Variants in MYSM1 observed in about 807,000 individuals in gnomAD.
MYSM1 encodes the protein Myb like, SWIRM and MPN domains 1, also known as deubiquitinase MYSM1.
In MYSM1, 51 loss-of-function variants were observed where a neutral mutation model predicts 116.0. That is an observed-to-expected ratio of 0.44 (90% CI 0.35 to 0.56). The LOEUF (loss-of-function observed/expected upper bound fraction) is 0.56. Among genes scored for constraint, MYSM1 ranks in the 20% least tolerant of loss-of-function variants. The probability of loss-of-function intolerance (pLI) is 0.00; values close to 1 mark genes in which losing one functional copy is unlikely to be tolerated. For synonymous variants in MYSM1, 313 were observed against 315.2 expected, an observed-to-expected ratio of 0.99 and a Z score of 0.07; for missense variants, 900 against 974.9, an observed-to-expected ratio of 0.92 and a Z score of 1.02.
At chr1:58,692,303 T>C (rs1177717072) in intron 3 of MYSM1, 1 of 152,258 alleles carries the variant, frequency 6.6e-6, no homozygotes, top group Admixed American at 6.5e-5. Context: ...TAGCTATCTT[T>C]ATAAATCATA....
rs528494616 is a variant in MYSM1, at chr1:58,670,772, G to A, written c.1661+1098C>T. ...GTTTACATTTATTCAATTAAACATT[G>A]CAATCAGTGAGTAATGGCAGGAAAG... is the stretch of plus-strand genomic sequence containing the variant. On this transcript the variant is annotated intron_variant, in intron 12 of 19. Coordinates refer to ENST00000472487, the MANE Select transcript of MYSM1 (RefSeq NM_001085487.3). 5.1e-4 allele frequency among the ~76,000 whole-genome samples: 78 copies of A among 152,232 alleles called. 2 individuals are homozygous for A. In the South Asian group the frequency reaches 0.015, roughly 29 times the overall value.
At chr1:58,676,148 G>C (rs1286615294) in intron 9 of MYSM1, among the ~76,000 whole-genome samples, 1 of 152,138 alleles carries the variant, frequency 6.6e-6, no homozygotes, top group Non-Finnish European at 1.5e-5. Flanking sequence ...GTCAGGCGCG[G>C]TGGCTCACGC....
intron 3 of MYSM1, chr1:58,692,596 C>T: frequency 3.6e-6 from 1 of 278,252 alleles, no homozygotes; most frequent in Non-Finnish European, 6.6e-6. Context: ...AATATTCTAT[C>T]ATTTCTACTC....
At chr1:58,678,383 G>A (rs923135419) in intron 8 of MYSM1, among the ~76,000 whole-genome samples, 1 of 152,092 alleles carries the variant, frequency 6.6e-6, no homozygotes, top group African/African-American at 2.4e-5. Context: ...ACTAGACTGA[G>A]CTAACTGAAG....
rs1644598531 is a variant in MYSM1, at chr1:58,673,640, C to G, written c.1505G>C (p.Arg502Thr). Residue 502 changes from arginine (R) to threonine (T), a missense_variant, in exon 11 of 20, where the codon AGA becomes ACA. Around this residue, in one of 3 missense-constraint regions of MYSM1, gnomAD observed 622 missense variants for 623.7 expected, o/e 1.00. Transcript: ENST00000472487. ...AQRLQSMRTR[R>T]RRVRDPWGNW... ...TCCCCATGGGTCTCGGACCCTACGT[C>G]TCCTTGTACGCTGCGATGAGATTAA... 3.1e-6 allele frequency: 5 copies of G among 1,613,830 alleles called. No homozygotes were observed. Among genetic ancestry groups the G allele is most frequent in the African/African-American group, 2.7e-5 (2 of 74,910 alleles).
intron 7 of MYSM1, 140 bp from the exon 8 acceptor site, chr1:58,682,685 CTTTTTTTTCTTTT>C: frequency 2.1e-5 from 7 of 332,340 alleles, no homozygotes. Flanking sequence ...ATGCGCTTTT[CTTTTTTTTCTTTT>C]CTTTTTTTTT....
intron 7 of MYSM1, among the ~76,000 whole-genome samples, chr1:58,683,552 TAAC>T (rs1325808384): frequency 4.6e-5 from 7 of 152,150 alleles, no homozygotes; most frequent in African/African-American, 1.7e-4. Context: ...TCTGGTAATG[TAAC>T]AACAACAAAA....
In MYSM1 at chr1:58,682,022, G is replaced by A. The variant is rs752946636; in HGVS notation, c.1022C>T (p.Pro341Leu). The A allele has an allele frequency of 6.2e-7, 1 of 1,614,114 alleles. No individual in the cohort carries two copies. The highest frequency in any genetic ancestry group is 1.1e-5 in the South Asian group (1 of 91,084). Residue 341 changes from proline (P) to leucine (L), a missense_variant, in exon 8 of 20, where the codon CCA becomes CTA. Pro to Leu is a moderately conservative substitution (Grantham distance 98). Around this residue, in one of 3 missense-constraint regions of MYSM1, gnomAD observed 622 missense variants for 623.7 expected, o/e 1.00. Transcript: ENST00000472487. ...ATTTTTCTGAATTTCACAAGGCTCT[G>A]GAGAAGGCAACTGCCTGGCATCAAC... ...IIVDARQLPS[P>L]EPCEIQKNLN...
Position 58,671,889 on chromosome 1 carries a change from C to CTAA in MYSM1, c.1641_1642insTTA (p.Lys547_Val548insLeu), listed in dbSNP as rs1278081149. 1 of 1,613,210 alleles carries CTAA rather than the reference C, an allele frequency of 6.2e-7. No individual in the cohort carries two copies. Among genetic ancestry groups the CTAA allele is most frequent in the Admixed American group, 1.7e-5 (1 of 59,912 alleles). On this transcript the variant is annotated inframe_insertion, in exon 12 of 20. Transcript: ENST00000472487. ...CTACACCTTTTTGTTGGTCTTGGCA[C>CTAA]TTTTAAAGATTTAACAGGTCTGCCT...
intron 1 of MYSM1, among the ~76,000 whole-genome samples, chr1:58,698,103 T>TA (rs1491530995): frequency 0.012 from 196 of 16,532 alleles, 3 homozygotes; most frequent in African/African-American, 0.042. Flanking sequence ...TATATATATA[T>TA]TTTTTTTTTT....
chr1:58,667,715 T>C, intron 15 of MYSM1, 132 bp downstream of exon 15: 1 of 612,410 alleles, frequency 1.6e-6, no homozygotes, highest in South Asian at 2.2e-5. Flanking sequence ...TATAACTTGC[T>C]ACATTTGCAT....
intron 3 of MYSM1, chr1:58,692,596 C>A (rs1644919017): frequency 3.6e-6 from 1 of 278,252 alleles, no homozygotes; most frequent in Non-Finnish European, 6.6e-6. Context: ...AATATTCTAT[C>A]ATTTCTACTC....
In MYSM1 at chr1:58,681,719, G is replaced by A. The variant is rs1402620594; in HGVS notation, c.1259+66C>T. On this transcript the variant is annotated intron_variant, in intron 8 of 19. Transcript: ENST00000472487. ...CTAGCAAAATTCTAAATTCTGTATA[G>A]GCCTAATTAAAATACTTCAGAATAT... 3.5e-6 allele frequency: 5 copies of A among 1,414,954 alleles called. No individual in the cohort carries two copies. The African/African-American group carries it at 7.2e-5, about 20-fold the overall frequency. The allele number at this position is 1,414,954 out of a possible 1,614,324, so 87.6% of individuals were successfully genotyped here.
intron 7 of MYSM1, 136 bp from the exon 8 acceptor site, chr1:58,682,681 TTTTC>T (rs1357363471): frequency 2.4e-5 from 7 of 297,604 alleles, no homozygotes; most frequent in Non-Finnish European, 3.1e-5. Context: ...TCTAATGCGC[TTTTC>T]TTTTTTTTCT....
At position 58,665,630 on chromosome 1, in the gene MYSM1, C is replaced by T; in HGVS notation, c.2033G>A (p.Ser678Asn). 6.5e-7 allele frequency: 1 copy of T among 1,534,708 alleles called. No individual in the cohort carries two copies. The highest frequency in any genetic ancestry group is 8.9e-7 in the Non-Finnish European group (1 of 1,120,206). The change falls in exon 17 of 20, where the codon AGT (serine) becomes AAT (asparagine). Residue 678 changes from serine (S) to asparagine (N), a missense_variant and splice_region_variant. By Grantham distance (46) the Ser-to-Asn change is conservative. Transcript: ENST00000472487. ...RDIDTQAKYQ[S>N]YFSRGGAKFI... ...CTTTGCACCTCCTCTGGAGAAGTAA[C>T]TCTACAATGACAAGAAAAATATAAT...
Position 58,667,240 on chromosome 1 carries a change from A to G in MYSM1, c.1843-14T>C. 1 of 1,473,506 alleles carries G rather than the reference A, an allele frequency of 6.8e-7. No individual in the cohort carries two copies. The highest frequency in any genetic ancestry group is 9.1e-7 in the Non-Finnish European group (1 of 1,102,302). The allele number at this position is 1,473,506 out of a possible 1,614,324, so 91.3% of individuals were successfully genotyped here. A position where few individuals can be genotyped will look rare whatever the true frequency, so the allele number is the denominator to read the frequency against. ...TGCTGCACAGACCTATAAACGATTG[A>G]TCCTCAAATGATTATACTAAAATCC... On this transcript the variant is annotated splice_polypyrimidine_tract_variant and intron_variant, in intron 15 of 19. Coordinates refer to ENST00000472487, the MANE Select transcript of MYSM1 (RefSeq NM_001085487.3).
Position 58,699,974 on chromosome 1 carries a change from C to T in MYSM1, c.68+11G>A. 1.2e-6 allele frequency: 2 copies of T among 1,613,566 alleles called. No homozygotes were observed. Among genetic ancestry groups the T allele is most frequent in the Non-Finnish European group, 1.7e-6 (2 of 1,179,994 alleles). On this transcript the variant is annotated intron_variant, in intron 1 of 19. Coordinates refer to ENST00000472487, the MANE Select transcript of MYSM1 (RefSeq NM_001085487.3). Reference sequence around the variant, plus strand: ...TCTCCGCCCCAGAGAGACCCGGTCTCTAAGCCTCACCCTGGCTGTGCCCCC... The same window carrying T: ...TCTCCGCCCCAGAGAGACCCGGTCTTTAAGCCTCACCCTGGCTGTGCCCCC...
intron 15 of MYSM1, among the ~76,000 whole-genome samples, 164 bp downstream of exon 15, chr1:58,667,683 T>G (rs1316478951): frequency 6.6e-6 from 1 of 152,154 alleles, no homozygotes; most frequent in Non-Finnish European, 1.5e-5. Context: ...GCATATAGAA[T>G]GTTAAGTCAC....
intron 16 of MYSM1, among the ~76,000 whole-genome samples, chr1:58,666,576 C>CTTTTTT (rs36057863): frequency 7.6e-6 from 1 of 131,622 alleles, no homozygotes; most frequent in Admixed American, 8.0e-5. Flanking sequence ...TATTTTTTTT[C>CTTTTTT]TTTTTTTTTT....
Sources: gnomAD v4.1 joint callset for allele counts (sites outside exome capture counted in the v4.1 genomes callset) on GRCh38, gnomAD v4.1.1 for gene constraint, gnomAD v4.1.1 regional missense constraint, MANE v1.5 for transcripts, NCBI Gene and HGNC (gene_info 2026-07-23, HGNC 2026-07-21) for gene names.